CSNK2A1: variants seen among roughly 807,000 people sequenced by gnomAD.
CSNK2A1 encodes casein kinase 2 alpha 1, also known as casein kinase II subunit alpha.
In CSNK2A1, 10 loss-of-function variants were observed where a neutral mutation model predicts 62.9. That is an observed-to-expected ratio of 0.16 (90% CI 0.10 to 0.27). The LOEUF (loss-of-function observed/expected upper bound fraction) is 0.27. Ranked by LOEUF, CSNK2A1 falls within the 10% of genes least tolerant of loss-of-function variation. The pLI, the probability that CSNK2A1 is intolerant of heterozygous loss-of-function variation, is 1.00. For synonymous variants in CSNK2A1, 124 were observed against 167.8 expected, an observed-to-expected ratio of 0.74 and a Z score of 2.02; for missense variants, 160 against 492.0, an observed-to-expected ratio of 0.33 and a Z score of 6.38.
At position 477,103 on chromosome 20, in the gene CSNK2A1, GGTCT is replaced by G. The variant is rs2122471490; in HGVS notation, c.*6854_*6857del. The G allele has an allele frequency of 6.6e-6, 1 of 151,852 alleles. No individual in the cohort carries two copies. 9.4% of individuals were successfully genotyped at this position (151,852 alleles called of 1,614,324 possible). ...AGGGTCTCCCTATGTTGCCCAGGCT[GGTCT>G]CCAACTCGTGGCCTCAAGCAATCCT... On this transcript the variant is annotated 3_prime_UTR_variant, in exon 14 of 14. Transcript: ENST00000217244.
At position 482,604 on chromosome 20, in the gene CSNK2A1, G is replaced by C. The variant is rs2017975903; in HGVS notation, c.*1357C>G. On this transcript the variant is annotated 3_prime_UTR_variant, in exon 14 of 14. Coordinates refer to ENST00000217244, the MANE Select transcript of CSNK2A1 (RefSeq NM_177559.3). ...GTGTATAAAATGGGGGCCTTGGGAA[G>C]CCTCCACGGTACAGGGCTGCAGGCC... 3 of 152,512 alleles carry C rather than the reference G, an allele frequency of 2.0e-5. No individual in the cohort carries two copies. Among genetic ancestry groups the C allele is most frequent in the African/African-American group, 4.8e-5 (2 of 41,438 alleles). The allele number at this position is 152,512 out of a possible 1,614,324, so 9.4% of individuals were successfully genotyped here. A position where few individuals can be genotyped will look rare whatever the true frequency, so the allele number is the denominator to read the frequency against.
intron 8 of CSNK2A1, 193 bp downstream of exon 8, chr20:495,526 C>A: frequency 1.9e-6 from 1 of 515,500 alleles, no homozygotes; most frequent in Non-Finnish European, 3.5e-6. Context: ...ATGTTTCCTT[C>A]TTGGGAATAT....
intron 11 of CSNK2A1, chr20:487,900 C>T (rs1204051104): frequency 2.2e-5 from 8 of 360,844 alleles, no homozygotes; most frequent in Non-Finnish European, 3.1e-5. Context: ...TTCCCATCCC[C>T]ACACATATTC....
intron 1 of CSNK2A1, among the ~76,000 whole-genome samples, chr20:532,973 GT>G (rs1353644419): frequency 1.3e-5 from 2 of 151,904 alleles, no homozygotes; most frequent in South Asian, 2.1e-4. Context: ...TGAAGTTATT[GT>G]TTTTTTTCCT....
At chr20:498,357 T>TTTTTTTTTTTTTTA (rs2018388821) in intron 6 of CSNK2A1, 1 of 141,598 alleles carries the variant, frequency 7.1e-6, no homozygotes, top group African/African-American at 2.7e-5. Context: ...TTTTTTTTTT[T>TTTTTTTTTTTTTTA]GAGACAGGGT....
chr20:506,282 G>A (rs561975992), intron 3 of CSNK2A1: 74 of 152,338 alleles, frequency 4.9e-4, no homozygotes, highest in African/African-American at 1.7e-3. Context: ...GCCACACTTT[G>A]GCAGCAGCTG....
In CSNK2A1 at chr20:479,224, CAT is replaced by C. The variant is rs1460306075; in HGVS notation, c.*4735_*4736del. On this transcript the variant is annotated 3_prime_UTR_variant, in exon 14 of 14. Transcript: ENST00000217244. ...TATAATGTAGCATCCTTTTACTGTA[CAT>C]AGTCTGCACAACTGTACAATTTAGA... 2 of 152,266 alleles carry C rather than the reference CAT, an allele frequency of 1.3e-5. No individual in the cohort carries two copies. Among genetic ancestry groups the C allele is most frequent in the African/African-American group, 4.8e-5 (2 of 41,436 alleles). The allele number at this position is 152,266 out of a possible 1,614,324, so 9.4% of individuals were successfully genotyped here. A position where few individuals can be genotyped will look rare whatever the true frequency, so the allele number is the denominator to read the frequency against.
rs201822403 is a variant in CSNK2A1 at position 532,788 on chromosome 20, C to T, written c.-226-4739G>A. ...AGAGATACGCAATCACCTTTTGCAG[C>T]TTTCAAGTATAGACCAGATGTACTA... On this transcript the variant is annotated intron_variant, in intron 1 of 13. Coordinates refer to ENST00000217244, the MANE Select transcript of CSNK2A1 (RefSeq NM_177559.3). Among the ~76,000 whole-genome samples the T allele has an allele frequency of 1.7e-4, 26 of 152,232 alleles. No homozygotes were observed. The East Asian group carries it at 3.7e-3, about 21-fold the overall frequency.
rs552945631 is a variant in CSNK2A1 at position 527,975 on chromosome 20, T to C, written c.-152A>G. On this transcript the variant is annotated 5_prime_UTR_variant, in exon 2 of 14. Coordinates refer to ENST00000217244, the MANE Select transcript of CSNK2A1 (RefSeq NM_177559.3). Reference sequence around the variant, plus strand: ...AGTCAGTATGGGTGAATGATGTTTCTTGGAGATTTTATGAGGTTCCACGCT... The same window carrying C: ...AGTCAGTATGGGTGAATGATGTTTCCTGGAGATTTTATGAGGTTCCACGCT... 2.0e-5 allele frequency: 3 copies of C among 152,366 alleles called. No individual in the cohort carries two copies. Among genetic ancestry groups the C allele is most frequent in the South Asian group, 2.1e-4 (1 of 4,830 alleles). The allele number at this position is 152,366 out of a possible 1,614,324, so 9.4% of individuals were successfully genotyped here.
At chr20:530,299 T>C (rs1469222767) in intron 1 of CSNK2A1, among the ~76,000 whole-genome samples, 2 of 152,220 alleles carry the variant, frequency 1.3e-5, no homozygotes, top group Non-Finnish European at 2.9e-5. Flanking sequence ...TTTATCCACG[T>C]TGTTGCAAGT....
In CSNK2A1 at chr20:477,740, CCA is replaced by C. The variant is rs2017876138; in HGVS notation, c.*6219_*6220del. On this transcript the variant is annotated 3_prime_UTR_variant, in exon 14 of 14. Coordinates refer to ENST00000217244, the MANE Select transcript of CSNK2A1 (RefSeq NM_177559.3). ...GGCGCAGTGGCTCACGCCTGTAATC[CCA>C]CCACTTTGGGAGGCTTGGGCGGGCG... 1 of 152,328 alleles carries C rather than the reference CCA, an allele frequency of 6.6e-6. No individual in the cohort carries two copies. The highest frequency in any genetic ancestry group is 2.4e-5 in the African/African-American group (1 of 41,430). The allele number at this position is 152,328 out of a possible 1,614,324, so 9.4% of individuals were successfully genotyped here. A position where few individuals can be genotyped will look rare whatever the true frequency, so the allele number is the denominator to read the frequency against.
chr20:506,303 G>A (rs1182861585), intron 3 of CSNK2A1: 1 of 152,208 alleles, frequency 6.6e-6, no homozygotes, highest in African/African-American at 2.4e-5. Flanking sequence ...ATTTTTAACA[G>A]GCCTCTTTGA....
intron 2 of CSNK2A1, chr20:527,010 A>AGAGAGAGG (rs2019109535): frequency 7.7e-6 from 1 of 129,480 alleles, no homozygotes; most frequent in Admixed American, 7.8e-5. Flanking sequence ...ACAGAGAGAG[A>AGAGAGAGG]GAGAGAGAGA....
chr20:542,452 G>T (rs1017486381), intron 1 of CSNK2A1, among the ~76,000 whole-genome samples: 2 of 151,986 alleles, frequency 1.3e-5, no homozygotes, highest in Non-Finnish European at 2.9e-5. Flanking sequence ...TTTTCTTTTT[G>T]AGGCGGAGTC....
chr20:528,745 A>G (rs1361996189), intron 1 of CSNK2A1, among the ~76,000 whole-genome samples: 1 of 152,088 alleles, frequency 6.6e-6, no homozygotes, highest in Admixed American at 6.5e-5. Flanking sequence ...TATAGGCATG[A>G]GCCACCATGC....
chr20:486,466 GAA>G lies in CSNK2A1; in HGVS notation c.974-6_974-5del, dbSNP rs1179971166. 6.2e-7 allele frequency: 1 copy of G among 1,612,920 alleles called. No individual in the cohort carries two copies. The highest frequency in any genetic ancestry group is 1.1e-5 in the South Asian group (1 of 90,978). On this transcript the variant is annotated splice_region_variant and splice_polypyrimidine_tract_variant and intron_variant, in intron 12 of 13. Coordinates refer to ENST00000217244, the MANE Select transcript of CSNK2A1 (RefSeq NM_177559.3). ...GCCTGGTCCTTCACAACAGTGTCTA[GAA>G]AAGAGACAAAAAGGCTAGGTTCTGT...
At chr20:496,870 C>A (rs6076641) in intron 7 of CSNK2A1, 1 of 152,118 alleles carries the variant, frequency 6.6e-6, no homozygotes, top group Admixed American at 6.5e-5. Flanking sequence ...TTACACAATC[C>A]TTAGGACAAT....
rs1458811230 is a variant in CSNK2A1, at chr20:495,666, G to T, written c.510+53C>A. 4.0e-6 allele frequency: 6 copies of T among 1,488,306 alleles called. No homozygotes were observed. In the Middle Eastern group the frequency reaches 8.6e-4, roughly 213 times the overall value. The allele number at this position is 1,488,306 out of a possible 1,614,324, so 92.2% of individuals were successfully genotyped here. ...CACAAGGGATAAAGTGTTGAAGATG[G>T]GCAATTAGCTACATCATGTAGATAA... On this transcript the variant is annotated intron_variant, in intron 8 of 13. Transcript: ENST00000217244.
At chr20:540,992 G>C (rs1029986860) in intron 1 of CSNK2A1, 1 of 152,172 alleles carries the variant, frequency 6.6e-6, no homozygotes, top group African/African-American at 2.4e-5. Flanking sequence ...GGTTCCTTCT[G>C]GTTGCACAAC....
Sources: allele counts gnomAD v4.1 joint callset (sites outside exome capture counted in the v4.1 genomes callset), GRCh38; gene constraint gnomAD v4.1.1; transcripts MANE v1.5; gene names NCBI Gene and HGNC (gene_info 2026-07-23, HGNC 2026-07-21).